RGPD2: variants seen among roughly 807,000 people sequenced by gnomAD.
The protein encoded by RGPD2 is RANBP2-like and GRIP domain-containing protein 2.
A neutral mutation model predicts 36.0 loss-of-function variants in RGPD2; 2 were observed. The observed-to-expected ratio is 0.06, with a 90% CI of 0.02 to 0.17. The LOEUF is 0.17. RGPD2 is among the 10% of genes least tolerant of loss of function. RGPD2 has a pLI of 1.00. For synonymous variants in RGPD2, 19 were observed against 163.8 expected (o/e 0.12, Z 6.75); for missense variants, 40 against 464.3 (o/e 0.09, Z 8.40).
the RGPD2 span, among the ~76,000 whole-genome samples, chr2:87,944,041 G>A: frequency 2.6e-5 from 4 of 151,474 alleles, no homozygotes; most frequent in Non-Finnish European, 5.9e-5. Flanking sequence ...TTGTTATTTA[G>A]ACAAGCTTTT....
At chr2:87,824,746 GCCGCCGCCGCCGCCGCCGCCGCCCGGCC>G in intron 1 of RGPD2, among the ~76,000 whole-genome samples, 2 of 94,938 alleles carry the variant, frequency 2.1e-5, no homozygotes, top group Admixed American at 2.0e-4. Context: ...GGCCGAGGCC[GCCGCCGCCGCCGCCGCCGCCGCCCGGCC>G]AGGCCGAGGC....
At chr2:87,906,671 T>A in the RGPD2 span, among the ~76,000 whole-genome samples, 1 of 149,856 alleles carries the variant, frequency 6.7e-6, no homozygotes, top group Admixed American at 6.7e-5. Flanking sequence ...CTCTTGATTA[T>A]TTTTAATGAA....
chr2:87,969,974 C>A, the RGPD2 span, among the ~76,000 whole-genome samples: 2 of 150,588 alleles, frequency 1.3e-5, no homozygotes, highest in South Asian at 2.1e-4. Context: ...ATGAAAAATA[C>A]AAAGCAGAAT....
At chr2:87,841,764 G>T in the RGPD2 span, among the ~76,000 whole-genome samples, 1 of 144,288 alleles carries the variant, frequency 6.9e-6, no homozygotes, top group Admixed American at 7.1e-5. Flanking sequence ...CAAAAAAAGA[G>T]AATTTAGACC....
the RGPD2 span, among the ~76,000 whole-genome samples, chr2:87,988,323 T>A: frequency 3.0e-5 from 4 of 132,440 alleles, no homozygotes; most frequent in Non-Finnish European, 4.8e-5. Flanking sequence ...ATTTTGACAA[T>A]AATATTAAGT....
the RGPD2 span, among the ~76,000 whole-genome samples, chr2:87,861,697 A>T: frequency 6.6e-6 from 1 of 151,134 alleles, no homozygotes; most frequent in Non-Finnish European, 1.5e-5. Flanking sequence ...ATTTTCATAG[A>T]ATTGATTATT....
At chr2:87,894,470 C>T in the RGPD2 span, among the ~76,000 whole-genome samples, 2 of 150,638 alleles carry the variant, frequency 1.3e-5, no homozygotes, top group East Asian at 4.0e-4. Context: ...AGTTTACATG[C>T]CATCAAATGT....
At chr2:87,942,479 A>G in the RGPD2 span, among the ~76,000 whole-genome samples, 6 of 140,066 alleles carry the variant, frequency 4.3e-5, no homozygotes, top group Admixed American at 4.4e-4. Flanking sequence ...TTCTATTTTT[A>G]GTTGACATAT....
At chr2:87,833,037 T>C in the RGPD2 span, among the ~76,000 whole-genome samples, 2 of 151,972 alleles carry the variant, frequency 1.3e-5, no homozygotes, top group Admixed American at 1.3e-4. Context: ...CATAGGATAA[T>C]GATCAACGCA....
chr2:87,978,200 C>T, the RGPD2 span, among the ~76,000 whole-genome samples: 6 of 151,866 alleles, frequency 4.0e-5, no homozygotes, highest in South Asian at 4.2e-4. Flanking sequence ...ACTGTTAAAG[C>T]CACATTCTAA....
At chr2:87,822,124 G>T (rs958074614) in intron 1 of RGPD2, among the ~76,000 whole-genome samples, 6 of 152,230 alleles carry the variant, frequency 3.9e-5, no homozygotes, top group African/African-American at 1.4e-4. Flanking sequence ...AAGGGTGAAG[G>T]CCGTGATTAT....
the RGPD2 span, among the ~76,000 whole-genome samples, chr2:87,881,437 C>T: frequency 1.3e-5 from 2 of 152,298 alleles, no homozygotes; most frequent in South Asian, 2.1e-4. Flanking sequence ...CCCAGGCTTT[C>T]TCAAACATCC....
the RGPD2 span, among the ~76,000 whole-genome samples, chr2:87,877,444 T>C: frequency 6.6e-6 from 1 of 152,272 alleles, no homozygotes; most frequent in Admixed American, 6.5e-5. Context: ...AGGAGCTTAT[T>C]TCTCCTTCAC....
At chr2:87,932,765 T>C in the RGPD2 span, among the ~76,000 whole-genome samples, 4 of 151,984 alleles carry the variant, frequency 2.6e-5, no homozygotes, top group African/African-American at 9.7e-5. Context: ...TTTAAGAGCA[T>C]TGAATTTTAG....
At chr2:87,825,518 CGCCCGGCCGAGGCCGAG>C (rs1479440117) in intron 1 of RGPD2, 123 bp downstream of exon 1, 2 of 396,184 alleles carry the variant, frequency 5.0e-6, no homozygotes, top group Non-Finnish European at 5.9e-6. Flanking sequence ...CCGAGGCCGC[CGCCCGGCCGAGGCCGAG>C]GCCGAGGCCG....
chr2:87,756,520 T>G lies in RGPD2; in HGVS notation c.*872A>C, dbSNP rs1684726978. The G allele has an allele frequency of 3.2e-6, 1 of 309,082 alleles. No homozygotes were observed. Among genetic ancestry groups the G allele is most frequent in the East Asian group, 6.4e-5 (1 of 15,552 alleles). 19.1% of individuals were successfully genotyped at this position (309,082 alleles called of 1,614,324 possible). On this transcript the variant is annotated 3_prime_UTR_variant, in exon 23 of 23. Coordinates refer to ENST00000398146, the MANE Select transcript of RGPD2 (RefSeq NM_001078170.3). ...ATTTCCTGTAACCCCCCTGTCTGAT[T>G]CCACTAGAATGTGAGCTCTATGATG...
the RGPD2 span, among the ~76,000 whole-genome samples, chr2:87,919,227 G>A: frequency 4.6e-5 from 7 of 152,048 alleles, no homozygotes; most frequent in African/African-American, 1.7e-4. Context: ...CATCTCTTAC[G>A]TGTTCTGTGT....
the RGPD2 span, among the ~76,000 whole-genome samples, chr2:87,855,232 TTG>T: frequency 6.6e-6 from 1 of 152,114 alleles, no homozygotes; most frequent in African/African-American, 2.4e-5. Flanking sequence ...TTCCACTCAT[TTG>T]TGTAAATATC....
chr2:87,983,199 AAT>A, the RGPD2 span, among the ~76,000 whole-genome samples: 1 of 152,154 alleles, frequency 6.6e-6, no homozygotes, highest in Non-Finnish European at 1.5e-5. Flanking sequence ...GCATGCCTGT[AAT>A]CCCAGCTACT....
Sources: allele counts gnomAD v4.1 joint callset (sites outside exome capture counted in the v4.1 genomes callset), GRCh38; gene constraint gnomAD v4.1.1; transcripts MANE v1.5; gene names NCBI Gene and HGNC (gene_info 2026-07-23, HGNC 2026-07-21).